Variants in IPO5 observed in about 807,000 individuals in gnomAD.
The protein encoded by IPO5 is importin 5.
A neutral mutation model predicts 143.3 loss-of-function variants in IPO5; 18 were observed. The observed-to-expected ratio is 0.13, with a 90% CI of 0.09 to 0.19. IPO5 has a LOEUF of 0.19. IPO5 is among the 10% of genes least tolerant of loss of function. The probability of loss-of-function intolerance (pLI) is 1.00; values close to 1 mark genes in which losing one functional copy is unlikely to be tolerated. For missense variants in IPO5, 1,013 were observed against 1,336.9 expected (o/e 0.76, Z 3.78); for synonymous variants, 477 against 465.7 (o/e 1.02, Z -0.31).
intron 4 of IPO5, among the ~76,000 whole-genome samples, chr13:97,978,003 A>G (rs982907595): frequency 1.3e-5 from 2 of 152,226 alleles, no homozygotes; most frequent in African/African-American, 4.8e-5. Context: ...TTTTGAATAG[A>G]TGGTGGATAT....
chr13:98,014,540 G>A (rs761567252), intron 22 of IPO5, among the ~76,000 whole-genome samples: 35 of 152,114 alleles, frequency 2.3e-4, no homozygotes, highest in Admixed American at 9.2e-4. Flanking sequence ...CAGATGTAAG[G>A]CAGCTAAATA....
chr13:97,972,392 A>G (rs1885895461), intron 3 of IPO5, among the ~76,000 whole-genome samples: 1 of 152,212 alleles, frequency 6.6e-6, no homozygotes, highest in Non-Finnish European at 1.5e-5. Flanking sequence ...AGAGATTCTG[A>G]TGCTCTCTAG....
intron 2 of IPO5, among the ~76,000 whole-genome samples, chr13:97,960,036 A>T (rs538918895): frequency 6.6e-6 from 1 of 152,298 alleles, no homozygotes; most frequent in East Asian, 1.9e-4. Context: ...ATGTGGCATC[A>T]AGCAGTACTA....
At chr13:98,011,704 A>G (rs1889733691) in intron 20 of IPO5, among the ~76,000 whole-genome samples, 1 of 152,138 alleles carries the variant, frequency 6.6e-6, no homozygotes, top group African/African-American at 2.4e-5. Flanking sequence ...ACGGGGTTTC[A>G]CTGTGTTGGC....
At chr13:97,971,911 A>G (rs1885857593) in intron 3 of IPO5, among the ~76,000 whole-genome samples, 2 of 152,202 alleles carry the variant, frequency 1.3e-5, no homozygotes, top group South Asian at 4.1e-4. Flanking sequence ...GAATTTACAT[A>G]TATTATCCTA....
chr13:97,994,076 G>T (rs942519395), intron 11 of IPO5, among the ~76,000 whole-genome samples: 4 of 152,252 alleles, frequency 2.6e-5, no homozygotes, highest in African/African-American at 9.6e-5. Context: ...GGAGGCCGAG[G>T]CGGGCAGATC....
intron 21 of IPO5, among the ~76,000 whole-genome samples, chr13:98,013,387 A>G (rs1405330939): frequency 5.3e-5 from 8 of 152,032 alleles, no homozygotes; most frequent in Admixed American, 3.3e-4. Flanking sequence ...TTTCCAGTAC[A>G]TTTTTATGCC....
At chr13:97,965,576 A>T (rs890034680) in intron 2 of IPO5, among the ~76,000 whole-genome samples, 3 of 152,194 alleles carry the variant, frequency 2.0e-5, no homozygotes, top group Non-Finnish European at 4.4e-5. Context: ...CAGTTCTGTG[A>T]AAGTTACTAT....
chr13:97,995,811 C>G (rs926127878), intron 11 of IPO5, among the ~76,000 whole-genome samples: 2 of 152,054 alleles, frequency 1.3e-5, no homozygotes, highest in Non-Finnish European at 2.9e-5. Context: ...TGAATATTAC[C>G]TTGCACGCTG....
chr13:97,990,239 C>G lies in IPO5; in HGVS notation c.564+17C>G. ...CACCCGTCGGTAAATAATTTCAATC[C>G]TATTAATATAACCATCTATTTTAAT... On this transcript the variant is annotated intron_variant, in intron 8 of 28. Coordinates refer to ENST00000651721, the MANE Select transcript of IPO5 (RefSeq NM_002271.6). The G allele has an allele frequency of 2.0e-6, 3 of 1,500,760 alleles. No individual in the cohort carries two copies. The highest frequency in any genetic ancestry group is 2.8e-6 in the Non-Finnish European group (3 of 1,079,476). The allele number at this position is 1,500,760 out of a possible 1,614,324, so 93.0% of individuals were successfully genotyped here.
chr13:97,989,621 A>G (rs1274129600), intron 7 of IPO5, among the ~76,000 whole-genome samples: 1 of 152,202 alleles, frequency 6.6e-6, no homozygotes, highest in African/African-American at 2.4e-5. Flanking sequence ...CTAAGTTTAG[A>G]ATTAAGTGAT....
At position 98,015,563 on chromosome 13, in the gene IPO5, A is replaced by T; in HGVS notation, c.2359A>T (p.Asn787Tyr). 1 of 1,611,142 alleles carries T rather than the reference A, an allele frequency of 6.2e-7. No homozygotes were observed. Among genetic ancestry groups the T allele is most frequent in the Non-Finnish European group, 8.5e-7 (1 of 1,177,668 alleles). ...AGTAATGGGAGATGGATGCCTTAATAATGAACACTTTGAAGAACTGGGAGG... is the reference window on the plus strand; with the variant it reads ...AGTAATGGGAGATGGATGCCTTAATTATGAACACTTTGAAGAACTGGGAGG... ...IEVMGDGCLNNEHFEELGGIL... is the reference protein window; with the variant it reads ...IEVMGDGCLNYEHFEELGGIL... Residue 787 changes from asparagine (N) to tyrosine (Y), a missense_variant, in exon 23 of 29, where the codon AAT becomes TAT. Asn to Tyr is a moderately radical substitution (Grantham distance 143). Coordinates refer to ENST00000651721, the MANE Select transcript of IPO5 (RefSeq NM_002271.6).
At chr13:97,958,595 G>A (rs1884631013) in intron 2 of IPO5, among the ~76,000 whole-genome samples, 1 of 151,434 alleles carries the variant, frequency 6.6e-6, no homozygotes, top group South Asian at 2.1e-4. Flanking sequence ...CCCTCAAACT[G>A]TATGATTTAG....
intron 2 of IPO5, among the ~76,000 whole-genome samples, chr13:97,964,623 C>CA (rs1448055512): frequency 1.1e-4 from 17 of 150,654 alleles, no homozygotes; most frequent in South Asian, 4.2e-4. Flanking sequence ...TGTATTTTTA[C>CA]AAAAAAAAGT....
intron 3 of IPO5, among the ~76,000 whole-genome samples, chr13:97,970,691 A>G (rs1389186204): frequency 6.6e-6 from 1 of 152,218 alleles, no homozygotes; most frequent in Non-Finnish European, 1.5e-5. Context: ...CATAATGGCT[A>G]GTGGCTACCA....
Position 98,022,009 on chromosome 13 carries a change from G to A in IPO5, c.*187G>A, listed in dbSNP as rs543588419. 1.5e-5 allele frequency: 6 copies of A among 409,916 alleles called. No homozygotes were observed. Among genetic ancestry groups the A allele is most frequent in the African/African-American group, 1.2e-4 (6 of 50,424 alleles). 25.4% of individuals were successfully genotyped at this position (409,916 alleles called of 1,614,324 possible). A position where few individuals can be genotyped will look rare whatever the true frequency, so the allele number is the denominator to read the frequency against. On this transcript the variant is annotated 3_prime_UTR_variant, in exon 29 of 29. Coordinates refer to ENST00000651721, the MANE Select transcript of IPO5 (RefSeq NM_002271.6). ...ATGGAGTTTCCATGGATTTCTACCA[G>A]ACCACTGAAGGAGTTCCTGGAAGCC...
At chr13:98,020,851 TAGAA>T in intron 27 of IPO5, 137 bp from the exon 28 acceptor site, 1 of 612,738 alleles carries the variant, frequency 1.6e-6, no homozygotes, top group South Asian at 2.3e-5. Flanking sequence ...CTAATTTATG[TAGAA>T]AGAAACTAAA....
rs749939470 is a variant in IPO5 at position 98,008,139 on chromosome 13, T to A, written c.1797T>A (p.Pro599=). ...TDFNDMEDDD[P]QISYMISAWA... is the part of the protein sequence containing the mutation. Reference sequence around the variant, plus strand: ...TCAATGATATGGAAGATGATGATCCTCAGGTAAGTGGTCTTAATGCATTTG... The same window carrying A: ...TCAATGATATGGAAGATGATGATCCACAGGTAAGTGGTCTTAATGCATTTG... Residue 599 remains proline, a synonymous_variant, in exon 18 of 29, where the codon CCT becomes CCA. Coordinates refer to ENST00000651721, the MANE Select transcript of IPO5 (RefSeq NM_002271.6). 20 of 1,594,756 alleles carry A rather than the reference T, an allele frequency of 1.3e-5. No homozygotes were observed. The South Asian group carries it at 2.1e-4, about 17-fold the overall frequency.
At chr13:97,974,425 G>A (rs957302475) in intron 3 of IPO5, among the ~76,000 whole-genome samples, 6 of 151,412 alleles carry the variant, frequency 4.0e-5, no homozygotes, top group Admixed American at 2.0e-4. Flanking sequence ...TCCTGCCTCA[G>A]CCTCCCGAGT....
Sources: gnomAD v4.1 joint callset for allele counts (sites outside exome capture counted in the v4.1 genomes callset) on GRCh38, gnomAD v4.1.1 for gene constraint, MANE v1.5 for transcripts, NCBI Gene and HGNC (gene_info 2026-07-23, HGNC 2026-07-21) for gene names.